COP1: variants seen among roughly 807,000 people sequenced by gnomAD.
COP1 encodes the protein COP1 E3 ubiquitin ligase.
Under a neutral mutation model 101.3 loss-of-function variants are expected in COP1, and 24 were observed. That is an observed-to-expected ratio of 0.24 (90% CI 0.17 to 0.33). The LOEUF is 0.33. Among genes scored for constraint, COP1 ranks in the 10% least tolerant of loss-of-function variants. The pLI is 1.00. For synonymous variants in COP1, 347 were observed against 341.9 expected, an observed-to-expected ratio of 1.01 and a Z score of -0.17; for missense variants, 663 against 906.2, an observed-to-expected ratio of 0.73 and a Z score of 3.45.
intron 1 of COP1, among the ~76,000 whole-genome samples, chr1:176,185,685 A>G (rs1698355617): frequency 6.6e-6 from 1 of 152,236 alleles, no homozygotes. Context: ...CATGAAGACA[A>G]AAACCTTAAG....
intron 18 of COP1, among the ~76,000 whole-genome samples, chr1:175,953,484 G>A (rs1484206266): frequency 3.3e-5 from 5 of 151,862 alleles, no homozygotes; most frequent in South Asian, 2.1e-4. Flanking sequence ...TAGGCTGGGC[G>A]CGGTGGCTCA....
intron 11 of COP1, among the ~76,000 whole-genome samples, chr1:176,054,329 T>G (rs1450345525): frequency 2.0e-5 from 3 of 151,824 alleles, no homozygotes; most frequent in African/African-American, 7.3e-5. Flanking sequence ...GCCCAGCTAA[T>G]TTTTGTATTT....
At chr1:176,100,730 T>C (rs1381036868) in intron 9 of COP1, among the ~76,000 whole-genome samples, 1 of 152,166 alleles carries the variant, frequency 6.6e-6, no homozygotes, top group African/African-American at 2.4e-5. Context: ...CACCCAAATC[T>C]TAGCAGGCAT....
At chr1:176,046,082 A>C in intron 12 of COP1, 99 bp downstream of exon 12, 1 of 856,878 alleles carries the variant, frequency 1.2e-6, no homozygotes, top group Non-Finnish European at 1.9e-6. Flanking sequence ...GTTCACCATG[A>C]GTAAAAAGTG....
chr1:176,143,974 A>G (rs532352919), intron 6 of COP1, among the ~76,000 whole-genome samples: 1 of 152,260 alleles, frequency 6.6e-6, no homozygotes, highest in Middle Eastern at 3.4e-3. Flanking sequence ...GATAAAAAGT[A>G]CCTACAAAAA....
At chr1:176,104,763 T>G (rs1684027507) in intron 9 of COP1, among the ~76,000 whole-genome samples, 1 of 152,190 alleles carries the variant, frequency 6.6e-6, no homozygotes, top group Non-Finnish European at 1.5e-5. Context: ...CATTCATACC[T>G]TTGACCCAGC....
At chr1:175,997,541 C>T (rs1002407992) in intron 15 of COP1, among the ~76,000 whole-genome samples, 2 of 151,960 alleles carry the variant, frequency 1.3e-5, no homozygotes, top group African/African-American at 4.8e-5. Context: ...TGAACTCAAA[C>T]AAATTTACAA....
chr1:175,992,357 C>A (rs1276798580), intron 15 of COP1, among the ~76,000 whole-genome samples: 1 of 152,180 alleles, frequency 6.6e-6, no homozygotes, highest in Non-Finnish European at 1.5e-5. Context: ...ATCTGAGGTA[C>A]CAGGTTCATC....
chr1:176,007,948 TGCCGCCTTGCA>T (rs1328639345), intron 15 of COP1, among the ~76,000 whole-genome samples: 1 of 152,200 alleles, frequency 6.6e-6, no homozygotes, highest in Non-Finnish European at 1.5e-5. Context: ...CCAGCCTCGC[TGCCGCCTTGCA>T]GTTTGATCTC....
Position 176,116,732 on chromosome 1 carries a change from C to A in COP1, c.969-51G>T, listed in dbSNP as rs750692801. 13 of 1,327,696 alleles carry A rather than the reference C, an allele frequency of 9.8e-6. No homozygotes were observed. In the African/African-American group the frequency reaches 1.8e-4, roughly 18 times the overall value. The allele number at this position is 1,327,696 out of a possible 1,614,324, so 82.2% of individuals were successfully genotyped here. Reference sequence around the variant, plus strand: ...GATTTCAGTATTTACATTATTTTAACAACAGAAAAAGTAAATCTAAAGTAT... The same window carrying A: ...GATTTCAGTATTTACATTATTTTAAAAACAGAAAAAGTAAATCTAAAGTAT... On this transcript the variant is annotated intron_variant, in intron 8 of 19. Coordinates refer to ENST00000367669, the MANE Select transcript of COP1 (RefSeq NM_022457.7).
At chr1:176,161,636 C>T (rs893688457) in intron 5 of COP1, among the ~76,000 whole-genome samples, 7 of 151,954 alleles carry the variant, frequency 4.6e-5, no homozygotes, top group African/African-American at 1.2e-4. Context: ...TATTACTTAT[C>T]ACCATGTGAA....
chr1:176,076,635 G>T (rs1047393904), intron 11 of COP1, among the ~76,000 whole-genome samples: 1 of 151,972 alleles, frequency 6.6e-6, no homozygotes, highest in African/African-American at 2.4e-5. Flanking sequence ...AGAGCTGAAT[G>T]AAATTGAGAC....
chr1:176,063,045 A>ACG (rs1675188179), intron 11 of COP1, among the ~76,000 whole-genome samples: 1 of 95,990 alleles, frequency 1.0e-5, no homozygotes, highest in Non-Finnish European at 2.1e-5. Flanking sequence ...ATTTTTGAAA[A>ACG]TGTTTTTTTT....
In COP1 at chr1:175,979,933, T is replaced by C. The variant is rs145356083; in HGVS notation, c.2133+7010A>G. 1.0e-3 allele frequency among the ~76,000 whole-genome samples: 159 copies of C among 152,262 alleles called. 1 individual carries two copies. The highest frequency in any genetic ancestry group is 3.7e-3 in the African/African-American group (154 of 41,562). On this transcript the variant is annotated intron_variant, in intron 18 of 19. Coordinates refer to ENST00000367669, the MANE Select transcript of COP1 (RefSeq NM_022457.7). ...GTTCATTACAAAAATTATATATTAA[T>C]TATGCATTATGTACAAACACGCTGT...
chr1:176,178,877 G>A (rs992855741), intron 2 of COP1, among the ~76,000 whole-genome samples: 1 of 151,278 alleles, frequency 6.6e-6, no homozygotes, highest in African/African-American at 2.4e-5. Context: ...CCCAAAAAAA[G>A]GTAAGAGACA....
intron 1 of COP1, among the ~76,000 whole-genome samples, chr1:176,185,863 G>A (rs188297545): frequency 1.4e-3 from 212 of 152,148 alleles, no homozygotes; most frequent in Non-Finnish European, 2.2e-3. Context: ...AAATCCTTAC[G>A]GATGATACAA....
rs375726554 is a variant in COP1, at chr1:176,041,473, T to C, written c.1612+1713A>G. ...AACAATTCTTGTGCTTCAGCCACCC[T>C]CAGTAGCTAGGACCACAGGCCTGCA... On this transcript the variant is annotated intron_variant, in intron 14 of 19. Transcript: ENST00000367669. Among the ~76,000 whole-genome samples, 397 of 151,900 alleles carry C rather than the reference T, an allele frequency of 2.6e-3. 3 individuals carry two copies. Among genetic ancestry groups the C allele is most frequent in the African/African-American group, 9.1e-3 (379 of 41,438 alleles).
chr1:176,138,461 A>T (rs1431881441), intron 6 of COP1, among the ~76,000 whole-genome samples: 1 of 152,148 alleles, frequency 6.6e-6, no homozygotes, highest in African/African-American at 2.4e-5. Context: ...ATCTACTTTA[A>T]TAAACTTCCT....
chr1:175,980,949 A>C (rs1389307900), intron 18 of COP1, among the ~76,000 whole-genome samples: 2 of 152,142 alleles, frequency 1.3e-5, no homozygotes, highest in Admixed American at 1.3e-4. Context: ...CATAGGAACA[A>C]ATATATTCAT....
Sources: allele counts gnomAD v4.1 joint callset (sites outside exome capture counted in the v4.1 genomes callset), GRCh38; gene constraint gnomAD v4.1.1; transcripts MANE v1.5; gene names NCBI Gene and HGNC (gene_info 2026-07-23, HGNC 2026-07-21).